The following MAPT variants were observed in gnomAD, a reference collection of about 807,000 sequenced individuals.
MAPT encodes the protein microtubule-associated protein tau.
A neutral mutation model predicts 67.9 loss-of-function variants in MAPT; 34 were observed. The ratio of observed to expected loss-of-function variants is 0.50; its 90% CI spans 0.38 to 0.67. The LOEUF (loss-of-function observed/expected upper bound fraction) is 0.67, where lower values mean the gene tolerates loss of function less well. Among genes scored for constraint, MAPT ranks in the 30% least tolerant of loss-of-function variants. The pLI is 0.00. For synonymous variants in MAPT, 456 were observed against 464.5 expected (o/e 0.98, Z 0.23); for missense variants, 881 against 1,115.2 (o/e 0.79, Z 2.99).
chr17:45,976,894 G>C (rs777746635), intron 3 of MAPT: 1 of 152,324 alleles, frequency 6.6e-6, no homozygotes, highest in Non-Finnish European at 1.5e-5. Flanking sequence ...CACACCCTCT[G>C]TCTCAAGGAC....
At chr17:45,999,710 G>A (rs1171103480) in intron 9 of MAPT, 1 of 1,477,946 alleles carries the variant, frequency 6.8e-7, no homozygotes, top group Non-Finnish European at 9.1e-7. Context: ...CACCATGCTG[G>A]GTGGAGGCAG....
rs2073141299 is a variant in MAPT, at chr17:45,983,099, T to C, written c.520T>C (p.Trp174Arg). The change falls in exon 5 of 13, where the codon TGG becomes CGG. Residue 174 changes from tryptophan to arginine, a missense_variant. Trp to Arg is a moderately radical substitution (Grantham distance 101). Around this residue, in one of 6 missense-constraint regions of MAPT, gnomAD observed 687 missense variants for 766.1 expected, o/e 0.90. Transcript: ENST00000262410. ...AGGCCCTCAGGAGCCCTCCCTGGAG[T>C]GGGGACAAAAAGGCGGGGACTGGGC... ...TGGPQEPSLE[W>R]GQKGGDWAEK... The C allele has an allele frequency of 3.9e-6, 6 of 1,551,088 alleles. No homozygotes were observed. In the East Asian group the frequency reaches 9.6e-5, roughly 25 times the overall value.
chr17:45,905,807 G>A (rs2064267851), intron 1 of MAPT, among the ~76,000 whole-genome samples: 1 of 152,178 alleles, frequency 6.6e-6, no homozygotes, highest in Admixed American at 6.5e-5. Flanking sequence ...TCTTCTGTTC[G>A]CATAGTCATA....
At chr17:45,899,760 T>C (rs897806641) in intron 1 of MAPT, among the ~76,000 whole-genome samples, 1 of 152,222 alleles carries the variant, frequency 6.6e-6, no homozygotes, top group African/African-American at 2.4e-5. Flanking sequence ...AAGCTCTCAA[T>C]TTCTTATCTG....
intron 1 of MAPT, among the ~76,000 whole-genome samples, chr17:45,951,176 G>A (rs2069035661): frequency 2.0e-5 from 3 of 152,214 alleles, no homozygotes; most frequent in East Asian, 1.9e-4. Flanking sequence ...GTGACAGAAA[G>A]TAGATGAGCA....
In MAPT at chr17:45,983,664, C is replaced by A. The variant is rs779330555; in HGVS notation, c.1085C>A (p.Pro362His). 2 of 1,614,054 alleles carry A rather than the reference C, an allele frequency of 1.2e-6. No individual in the cohort carries two copies. The highest frequency in any genetic ancestry group is 1.3e-5 in the African/African-American group (1 of 75,066). ...ATCCCAGCCTCAGAGCCCGACGGGCCCAGTGTAGGGCGGGCCAAAGGGCAG... is the reference window on the plus strand; with the variant it reads ...ATCCCAGCCTCAGAGCCCGACGGGCACAGTGTAGGGCGGGCCAAAGGGCAG... ...TEIPASEPDGPSVGRAKGQDA... is the reference protein window; with the variant it reads ...TEIPASEPDGHSVGRAKGQDA... Residue 362 changes from proline (P) to histidine (H), a missense_variant, in exon 5 of 13, where the codon CCC becomes CAC. Pro to His is a moderately conservative substitution (Grantham distance 77). Around this residue, in one of 6 missense-constraint regions of MAPT, gnomAD observed 687 missense variants for 766.1 expected, o/e 0.90. Coordinates refer to ENST00000262410, the MANE Select transcript of MAPT (RefSeq NM_001377265.1).
intron 1 of MAPT, among the ~76,000 whole-genome samples, chr17:45,941,699 CTGCCTGCCTTCCTT>C (rs2067963695): frequency 1.6e-4 from 10 of 60,634 alleles, no homozygotes; most frequent in African/African-American, 6.6e-4. Context: ...TCCTTCCTTC[CTGCCTGCCTTCCTT>C]CCTTCCTTCC....
intron 4 of MAPT, chr17:45,979,905 T>G (rs1159073277): frequency 6.6e-6 from 1 of 152,210 alleles, no homozygotes; most frequent in African/African-American, 2.4e-5. Context: ...ATTTTAAGCT[T>G]TCTGACAGCA....
At chr17:45,926,292 T>C (rs1390893456) in intron 1 of MAPT, among the ~76,000 whole-genome samples, 1 of 152,060 alleles carries the variant, frequency 6.6e-6, no homozygotes, top group African/African-American at 2.4e-5. Flanking sequence ...GGTCAAATTT[T>C]TATTTATATA....
At chr17:46,007,085 T>C (rs2075497334) in intron 9 of MAPT, among the ~76,000 whole-genome samples, 1 of 151,950 alleles carries the variant, frequency 6.6e-6, no homozygotes. Flanking sequence ...TATTGCACAA[T>C]GTATGTCTGT....
chr17:45,974,219 G>T (rs2072050435), intron 3 of MAPT: 8 of 651,730 alleles, frequency 1.2e-5, no homozygotes, highest in South Asian at 1.2e-4. Flanking sequence ...GCTTCCTGGG[G>T]AGCTGGTAGC....
intron 4 of MAPT, 89 bp downstream of exon 4, chr17:45,978,529 G>C (rs1367516798): frequency 9.3e-7 from 1 of 1,069,866 alleles, no homozygotes; most frequent in Admixed American, 1.9e-5. Context: ...ATTTGGACCT[G>C]AGCTCTAATT....
chr17:45,946,809 C>G (rs1191410653), intron 1 of MAPT, among the ~76,000 whole-genome samples: 3 of 151,846 alleles, frequency 2.0e-5, no homozygotes, highest in African/African-American at 7.2e-5. Context: ...TAGGTCAAAA[C>G]CAAAATTGTC....
intron 11 of MAPT, among the ~76,000 whole-genome samples, chr17:46,016,488 T>C (rs1469254404): frequency 6.6e-6 from 1 of 152,030 alleles, no homozygotes; most frequent in African/African-American, 2.4e-5. Flanking sequence ...ATTAGTGCTG[T>C]CGGCCAGGCG....
At chr17:45,904,311 A>G (rs1487549406) in intron 1 of MAPT, among the ~76,000 whole-genome samples, 1 of 35,778 alleles carries the variant, frequency 2.8e-5, no homozygotes, top group Non-Finnish European at 6.5e-5. Context: ...ATATATATAA[A>G]AACATATATA....
chr17:46,006,878 G>C (rs1022883842), intron 9 of MAPT, among the ~76,000 whole-genome samples: 1 of 151,268 alleles, frequency 6.6e-6, no homozygotes, highest in African/African-American at 2.4e-5. Flanking sequence ...AGCCGAGATC[G>C]CGCCACTGCA....
intron 1 of MAPT, among the ~76,000 whole-genome samples, chr17:45,917,328 C>T (rs934549848): frequency 1.3e-5 from 2 of 152,200 alleles, no homozygotes; most frequent in African/African-American, 4.8e-5. Flanking sequence ...CTAGGGTTGT[C>T]TCATGCTGAT....
intron 3 of MAPT, chr17:45,977,230 T>G (rs17572495): frequency 0.14 from 22,028 of 152,336 alleles, 2,144 homozygotes; most frequent in Non-Finnish European, 0.22. Context: ...CCACATGGCT[T>G]CCAGGAAACT....
intron 7 of MAPT, 34 bp from the exon 8 acceptor site, chr17:45,991,426 G>T: frequency 1.2e-6 from 2 of 1,613,864 alleles, no homozygotes; most frequent in Non-Finnish European, 1.7e-6. Context: ...TTTTCCCAAT[G>T]GTGAAAAACC....
Sources: allele counts gnomAD v4.1 joint callset (sites outside exome capture counted in the v4.1 genomes callset), GRCh38; gene constraint gnomAD v4.1.1; regional missense constraint gnomAD v4.1.1; transcripts MANE v1.5; gene names NCBI Gene and HGNC (gene_info 2026-07-23, HGNC 2026-07-21).